Variants in IGF1 observed in about 807,000 individuals in gnomAD.
The protein encoded by IGF1 is insulin-like growth factor 1.
A neutral mutation model predicts 13.8 loss-of-function variants in IGF1; 4 were observed. The observed-to-expected ratio is 0.29, with a 90% confidence interval of 0.14 to 0.66. The LOEUF (loss-of-function observed/expected upper bound fraction) is 0.66. Among genes scored for constraint, IGF1 ranks in the 30% least tolerant of loss-of-function variants. The probability of loss-of-function intolerance (pLI) is 0.78; values close to 1 mark genes in which losing one functional copy is unlikely to be tolerated. For synonymous variants in IGF1, 76 were observed against 72.6 expected (o/e 1.05, Z -0.23); for missense variants, 124 against 188.5 (o/e 0.66, Z 2.00).
intron 2 of IGF1, among the ~76,000 whole-genome samples, chr12:102,462,110 A>G (rs1265093262): frequency 6.6e-6 from 1 of 152,198 alleles, no homozygotes; most frequent in Middle Eastern, 3.2e-3. Flanking sequence ...GCAAGACTCT[A>G]TGTCTATGTG....
chr12:102,441,936 T>TCTTCTCCTTCTCCTTCTC (rs1877830558), intron 2 of IGF1, among the ~76,000 whole-genome samples: 2 of 136,208 alleles, frequency 1.5e-5, no homozygotes, highest in Admixed American at 1.7e-4. Context: ...TTCTTCTTCT[T>TCTTCTCCTTCTCCTTCTC]CTTCTTCTTC....
At chr12:102,417,461 A>G (rs11111267) in intron 3 of IGF1, 129,738 of 782,022 alleles carry the variant, frequency 0.17, 11,450 homozygotes, top group Middle Eastern at 0.18. Flanking sequence ...AGATTCATAC[A>G]AAATTTAAAA....
Position 102,431,396 on chromosome 12 carries a change from C to T in IGF1, c.221-11706G>A, listed in dbSNP as rs529427828. ...TCCTTGACATTTAGAAAAATCAGGG[C>T]GTTTGCAATAATACACTACCAATAG... On this transcript the variant is annotated intron_variant, in intron 2 of 3. Transcript: ENST00000337514. Among the ~76,000 whole-genome samples, 8 of 152,246 alleles carry T rather than the reference C, an allele frequency of 5.3e-5. No individual in the cohort carries two copies. The East Asian group carries it at 1.5e-3, about 29-fold the overall frequency.
intron 2 of IGF1, among the ~76,000 whole-genome samples, chr12:102,427,211 C>CT (rs898062415): frequency 6.6e-6 from 1 of 151,054 alleles, no homozygotes; most frequent in Non-Finnish European, 1.5e-5. Context: ...ATTTTTTTTT[C>CT]TTTTTTTTAG....
chr12:102,440,488 TTCTC>T (rs1877621407), intron 2 of IGF1, among the ~76,000 whole-genome samples: 1 of 152,214 alleles, frequency 6.6e-6, no homozygotes, highest in African/African-American at 2.4e-5. Flanking sequence ...GACCAAATGA[TTCTC>T]TCCAGGTAGT....
intron 3 of IGF1, among the ~76,000 whole-genome samples, chr12:102,403,764 A>T (rs950772641): frequency 8.8e-5 from 13 of 148,562 alleles, no homozygotes; most frequent in African/African-American, 3.0e-4. Flanking sequence ...GAGCCACTGC[A>T]CCCGGCCTGG....
intron 2 of IGF1, among the ~76,000 whole-genome samples, chr12:102,454,791 G>A (rs1011750158): frequency 6.6e-6 from 1 of 152,246 alleles, no homozygotes. Context: ...AAATATTTGG[G>A]AATGCAGGGA....
At chr12:102,430,066 A>G (rs1371174930) in intron 2 of IGF1, among the ~76,000 whole-genome samples, 1 of 152,108 alleles carries the variant, frequency 6.6e-6, no homozygotes. Context: ...ATTTCCCTGG[A>G]CACTTGCCTT....
At chr12:102,431,704 C>G (rs900424878) in intron 2 of IGF1, among the ~76,000 whole-genome samples, 2 of 152,108 alleles carry the variant, frequency 1.3e-5, no homozygotes, top group African/African-American at 4.8e-5. Context: ...CTTGTGGGCA[C>G]ATGATGCTAA....
chr12:102,462,178 C>T (rs1411254096), intron 2 of IGF1, among the ~76,000 whole-genome samples: 1 of 152,180 alleles, frequency 6.6e-6, no homozygotes, highest in Non-Finnish European at 1.5e-5. Flanking sequence ...TCCCCTTAGA[C>T]AATTTGTTAA....
intron 3 of IGF1, among the ~76,000 whole-genome samples, chr12:102,410,917 GC>G (rs983521402): frequency 6.6e-6 from 1 of 152,124 alleles, no homozygotes; most frequent in African/African-American, 2.4e-5. Flanking sequence ...GTTGATGGGG[GC>G]CTTCAGCATA....
intron 2 of IGF1, among the ~76,000 whole-genome samples, chr12:102,426,421 T>G (rs1285601336): frequency 1.3e-5 from 2 of 152,234 alleles, no homozygotes; most frequent in African/African-American, 4.8e-5. Flanking sequence ...CATAGCTAGT[T>G]GGGCAGGTAT....
chr12:102,396,647 A>C lies in IGF1; in HGVS notation c.*5860T>G. The C allele has an allele frequency of 2.7e-6, 1 of 371,330 alleles. No homozygotes were observed. The highest frequency in any genetic ancestry group is 4.8e-6 in the Non-Finnish European group (1 of 209,354). The allele number at this position is 371,330 out of a possible 1,614,324, so 23.0% of individuals were successfully genotyped here. A position where few individuals can be genotyped will look rare whatever the true frequency, so the allele number is the denominator to read the frequency against. On this transcript the variant is annotated 3_prime_UTR_variant, in exon 4 of 4. Transcript: ENST00000337514. ...GTTTACTTTTAGGCCTCAGTAATATAAAAAAAGGCAGATTCTAAGGATTGT... is the reference window on the plus strand; with the variant it reads ...GTTTACTTTTAGGCCTCAGTAATATCAAAAAAGGCAGATTCTAAGGATTGT...
chr12:102,449,253 A>C (rs920907052), intron 2 of IGF1, among the ~76,000 whole-genome samples: 7 of 152,170 alleles, frequency 4.6e-5, no homozygotes, highest in Non-Finnish European at 1.0e-4. Flanking sequence ...TTGAAGGGAC[A>C]TGGATGAAGC....
intron 2 of IGF1, among the ~76,000 whole-genome samples, chr12:102,452,931 C>T (rs1365538994): frequency 6.6e-6 from 1 of 152,114 alleles, no homozygotes; most frequent in Non-Finnish European, 1.5e-5. Context: ...GGGTTAGCAA[C>T]ACGTTGCACC....
chr12:102,474,844 T>C (rs957037548), intron 2 of IGF1, among the ~76,000 whole-genome samples: 1 of 152,216 alleles, frequency 6.6e-6, no homozygotes, highest in African/African-American at 2.4e-5. Flanking sequence ...GACTTTTGCT[T>C]GTGTGTATTA....
intron 2 of IGF1, among the ~76,000 whole-genome samples, chr12:102,423,572 A>G (rs1875937713): frequency 6.6e-6 from 1 of 152,190 alleles, no homozygotes. Context: ...ACTAGACATA[A>G]TGTTTAGTCA....
chr12:102,475,990 C>T (rs1362251197), intron 1 of IGF1, among the ~76,000 whole-genome samples, 191 bp from the exon 2 acceptor site: 4 of 152,164 alleles, frequency 2.6e-5, no homozygotes, highest in African/African-American at 4.8e-5. Flanking sequence ...CATCCAACAA[C>T]CTGTGTTTAT....
intron 2 of IGF1, among the ~76,000 whole-genome samples, chr12:102,433,196 T>C (rs1047445368): frequency 4.6e-5 from 7 of 152,202 alleles, no homozygotes; most frequent in South Asian, 4.1e-4. Flanking sequence ...CTCCTGTCCT[T>C]CTTTCACCAC....
Sources: gnomAD v4.1 joint callset for allele counts (sites outside exome capture counted in the v4.1 genomes callset) on GRCh38, gnomAD v4.1.1 for gene constraint, MANE v1.5 for transcripts, NCBI Gene and HGNC (gene_info 2026-07-23, HGNC 2026-07-21) for gene names.